Variants in SRI observed in about 807,000 individuals in gnomAD.
SRI encodes 22 kDa protein.
Under a neutral mutation model 33.3 loss-of-function variants are expected in SRI, and 30 were observed. That is an observed-to-expected ratio of 0.90 (90% CI 0.67 to 1.22). SRI has a LOEUF of 1.22. SRI is among the 50% of genes most tolerant of loss of function. The probability of loss-of-function intolerance (pLI) is 0.00; values close to 1 mark genes in which losing one functional copy is unlikely to be tolerated. For synonymous variants in SRI, 75 were observed against 89.9 expected, an observed-to-expected ratio of 0.83 and a Z score of 0.94; for missense variants, 243 against 250.8, an observed-to-expected ratio of 0.97 and a Z score of 0.21.
In SRI at chr7:88,207,114, A is replaced by G. The variant is rs571693988; in HGVS notation, c.571-610T>C. ...CTGCTCTATCAGTGTTCCCTACACT[A>G]CTAAGGTATTGTGCACTGCTAACCC... On this transcript the variant is annotated intron_variant, in intron 7 of 7. Transcript: ENST00000265729. 1.7e-4 allele frequency among the ~76,000 whole-genome samples: 26 copies of G among 152,358 alleles called. No homozygotes were observed. The East Asian group carries it at 4.8e-3, about 28-fold the overall frequency.
chr7:88,211,256 A>G (rs1851571833), intron 3 of SRI, among the ~76,000 whole-genome samples: 1 of 152,172 alleles, frequency 6.6e-6, no homozygotes, highest in South Asian at 2.1e-4. Flanking sequence ...GGAGTTTGAG[A>G]CCAGCCTGGC....
intron 1 of SRI, among the ~76,000 whole-genome samples, chr7:88,219,701 G>T (rs1241423517): frequency 6.6e-6 from 1 of 152,174 alleles, no homozygotes; most frequent in East Asian, 1.9e-4. Flanking sequence ...ATTTCACGCC[G>T]CGTATCCGAG....
upstream of SRI, among the ~76,000 whole-genome samples, chr7:88,222,605 C>T (rs1006281702): frequency 6.6e-6 from 1 of 152,122 alleles, no homozygotes; most frequent in Non-Finnish European, 1.5e-5. Context: ...AACTATACTA[C>T]AAGGCTACAG....
chr7:88,218,796 A>T, intron 2 of SRI, 63 bp downstream of exon 2: 1 of 1,511,546 alleles, frequency 6.6e-7, no homozygotes, highest in Non-Finnish European at 9.2e-7. Flanking sequence ...CTGTGTCACT[A>T]TATCAAAAGC....
intron 3 of SRI, among the ~76,000 whole-genome samples, chr7:88,214,337 A>C (rs1851655051): frequency 1.3e-5 from 2 of 152,330 alleles, no homozygotes; most frequent in South Asian, 4.1e-4. Flanking sequence ...ATGTTTGGTC[A>C]GGGGAGGGTG....
upstream of SRI, among the ~76,000 whole-genome samples, chr7:88,221,733 A>G (rs555138023): frequency 1.0e-3 from 156 of 152,116 alleles, 1 homozygote; most frequent in African/African-American, 3.5e-3. Flanking sequence ...ACATGTGAAC[A>G]TTGTGCAGGT....
chr7:88,207,658 T>C (rs1386478093), intron 7 of SRI: 1 of 152,250 alleles, frequency 6.6e-6, no homozygotes, highest in South Asian at 2.1e-4. Flanking sequence ...GGCCTTACCC[T>C]ACCCTTGTTT....
intron 1 of SRI, among the ~76,000 whole-genome samples, chr7:88,219,647 G>GGGGGT (rs1233270137): frequency 2.6e-5 from 4 of 151,732 alleles, no homozygotes; most frequent in Non-Finnish European, 4.4e-5. Flanking sequence ...CCAAGAAGGC[G>GGGGGT]GGGGTGGGGT....
intron 3 of SRI, among the ~76,000 whole-genome samples, chr7:88,213,986 T>C (rs1461258459): frequency 6.6e-6 from 1 of 152,188 alleles, no homozygotes; most frequent in Non-Finnish European, 1.5e-5. Context: ...CAGATACAGT[T>C]GTGAAACTGC....
chr7:88,206,720 A>G (rs1279286886), intron 7 of SRI, among the ~76,000 whole-genome samples: 1 of 152,190 alleles, frequency 6.6e-6, no homozygotes, highest in Non-Finnish European at 1.5e-5. Context: ...AAAACTTCTT[A>G]GAGAAAGCAG....
At chr7:88,207,517 T>C (rs1050587781) in intron 7 of SRI, among the ~76,000 whole-genome samples, 1 of 152,206 alleles carries the variant, frequency 6.6e-6, no homozygotes, top group Non-Finnish European at 1.5e-5. Context: ...TTTTGTTTGT[T>C]TGTTTTTTGT....
upstream of SRI, among the ~76,000 whole-genome samples, chr7:88,220,948 A>C (rs1851876308): frequency 6.6e-6 from 1 of 152,246 alleles, no homozygotes; most frequent in Non-Finnish European, 1.5e-5. Flanking sequence ...CCAGTTGAAT[A>C]GTCCGAAGCA....
chr7:88,221,982 T>A (rs1261035976), upstream of SRI, among the ~76,000 whole-genome samples: 2 of 148,018 alleles, frequency 1.4e-5, no homozygotes, highest in Admixed American at 1.4e-4. Context: ...AATGATGATT[T>A]CCAATTTCAT....
chr7:88,220,013 C>G lies in SRI; in HGVS notation c.14G>C (p.Gly5Ala). The G allele has an allele frequency of 6.5e-7, 1 of 1,533,708 alleles. No individual in the cohort carries two copies. Among genetic ancestry groups the G allele is most frequent in the South Asian group, 1.2e-5 (1 of 83,286 alleles). Reference sequence around the variant, plus strand: ...GTACCCGCCGCCGGCGCCAGGATGCCCCGGGTACGCCATGCTGCAGACTGC... The same window carrying G: ...GTACCCGCCGCCGGCGCCAGGATGCGCCGGGTACGCCATGCTGCAGACTGC... Reference protein sequence around the residue: MAYPGHPGAGGGYYP... With the variant: MAYPAHPGAGGGYYP... Residue 5 changes from glycine to alanine, a missense_variant, in exon 1 of 8, where the codon GGG (glycine) becomes GCG (alanine). Transcript: ENST00000265729.
At chr7:88,220,153 A>G, upstream of SRI, 11 of 1,340,522 alleles carry the variant, frequency 8.2e-6, no homozygotes, top group South Asian at 1.9e-5. Flanking sequence ...CGCGCTCCGC[A>G]GTCGTCTCCA....
At chr7:88,220,378 G>A (rs1320991260), upstream of SRI, among the ~76,000 whole-genome samples, 1 of 148,502 alleles carries the variant, frequency 6.7e-6, no homozygotes, top group Non-Finnish European at 1.5e-5. Context: ...TTTTTCCTTC[G>A]GACTTGGCTA....
At chr7:88,207,510 T>C (rs932105367) in intron 7 of SRI, among the ~76,000 whole-genome samples, 2 of 92,544 alleles carry the variant, frequency 2.2e-5, no homozygotes, top group South Asian at 2.4e-4. Context: ...CAAGTTTTTT[T>C]GTTTGTTTGT....
rs1175557107 is a variant in SRI at position 88,205,675 on chromosome 7, G to A, written c.*803C>T. ...GTATTTTTTAAAGTGTGAATACATG[G>A]TATATCAAAATGGATGTATCAGTAT... On this transcript the variant is annotated 3_prime_UTR_variant, in exon 8 of 8. Coordinates refer to ENST00000265729, the MANE Select transcript of SRI (RefSeq NM_003130.4). 1.3e-5 allele frequency: 2 copies of A among 152,060 alleles called. No individual in the cohort carries two copies. Among genetic ancestry groups the A allele is most frequent in the Admixed American group, 6.5e-5 (1 of 15,268 alleles). The allele number at this position is 152,060 out of a possible 1,614,324, so 9.4% of individuals were successfully genotyped here.
chr7:88,216,844 AG>A, intron 3 of SRI: 1 of 474,006 alleles, frequency 2.1e-6, no homozygotes, highest in Non-Finnish European at 3.8e-6. Context: ...GTACAATCAT[AG>A]ATTACTGCAG....
Sources: gnomAD v4.1 joint callset for allele counts (sites outside exome capture counted in the v4.1 genomes callset) on GRCh38, gnomAD v4.1.1 for gene constraint, MANE v1.5 for transcripts, NCBI Gene and HGNC (gene_info 2026-07-23, HGNC 2026-07-21) for gene names.